The following GUCY1A2 variants were observed in gnomAD, a reference collection of about 807,000 sequenced individuals.
GUCY1A2 encodes the protein guanylate cyclase soluble subunit alpha-2.
In GUCY1A2, 27 loss-of-function variants were observed where a neutral mutation model predicts 63.5. That is an observed-to-expected ratio of 0.43 (90% CI 0.31 to 0.59). The LOEUF is 0.59. Among genes scored for constraint, GUCY1A2 ranks in the 20% least tolerant of loss-of-function variants. The pLI is 0.11. For missense variants in GUCY1A2, 768 were observed against 913.3 expected, an observed-to-expected ratio of 0.84 and a Z score of 2.05; for synonymous variants, 364 against 343.5, an observed-to-expected ratio of 1.06 and a Z score of -0.66.
chr11:106,857,860 G>A (rs1437416361), intron 4 of GUCY1A2, among the ~76,000 whole-genome samples: 2 of 152,068 alleles, frequency 1.3e-5, no homozygotes, highest in Non-Finnish European at 2.9e-5. Flanking sequence ...TATATGCAAA[G>A]GTTATATGCA....
At position 106,810,152 on chromosome 11, in the gene GUCY1A2, T is replaced by G. The variant is rs1281367945; in HGVS notation, c.1533A>C (p.Gln511His). ...DVAQQLWQGQ[Q>H]VQARKFDDVT... is the part of the protein sequence containing the mutation. Reference sequence around the variant, plus strand: ...CATCATCAAACTTTCTGGCCTGTACTTGCTGCCCTTGCCATAATTGCTGGG... The same window carrying G: ...CATCATCAAACTTTCTGGCCTGTACGTGCTGCCCTTGCCATAATTGCTGGG... Residue 511 changes from glutamine to histidine, a missense_variant, in exon 5 of 8, where the codon CAA becomes CAC. Gln to His is a conservative substitution (Grantham distance 24). Around this residue, in one of 3 missense-constraint regions of GUCY1A2, gnomAD observed 122 missense variants for 238.1 expected, o/e 0.51. Transcript: ENST00000526355. 2 of 1,613,852 alleles carry G rather than the reference T, an allele frequency of 1.2e-6. No homozygotes were observed. The highest frequency in any genetic ancestry group is 1.7e-5 in the Admixed American group (1 of 59,932).
At chr11:106,734,059 C>A (rs1402513090) in intron 6 of GUCY1A2, among the ~76,000 whole-genome samples, 1 of 152,104 alleles carries the variant, frequency 6.6e-6, no homozygotes, top group African/African-American at 2.4e-5. Context: ...TACTGAGTTT[C>A]TTTTCTGTTT....
intron 4 of GUCY1A2, among the ~76,000 whole-genome samples, chr11:106,872,273 A>T (rs1859689867): frequency 1.3e-5 from 2 of 152,206 alleles, no homozygotes; most frequent in Non-Finnish European, 2.9e-5. Context: ...ATGGGTTTTA[A>T]AGTCAATATA....
rs140311711 is a variant in GUCY1A2 at position 106,687,307 on chromosome 11, T to C, written c.*242A>G. ...CCCACACTTGTAATTAAAATATATG[T>C]GTATATATATGACCAAAACCACTCA... On this transcript the variant is annotated 3_prime_UTR_variant, in exon 8 of 8. Coordinates refer to ENST00000526355, the MANE Select transcript of GUCY1A2 (RefSeq NM_000855.3). The C allele has an allele frequency of 7.9e-5, 36 of 456,832 alleles. No homozygotes were observed. Among genetic ancestry groups the C allele is most frequent in the Non-Finnish European group, 1.4e-4 (36 of 255,680 alleles). 28.3% of individuals were successfully genotyped at this position (456,832 alleles called of 1,614,324 possible).
At chr11:106,935,495 C>T (rs1442676567) in intron 4 of GUCY1A2, among the ~76,000 whole-genome samples, 5 of 152,080 alleles carry the variant, frequency 3.3e-5, no homozygotes, top group Non-Finnish European at 7.4e-5. Context: ...GTCAGATTCT[C>T]CGCACCTCTC....
In GUCY1A2 at chr11:107,008,105, G is replaced by A. The variant is rs138809461; in HGVS notation, c.303+9648C>T. 5.6e-3 allele frequency among the ~76,000 whole-genome samples: 835 copies of A among 149,310 alleles called. 13 individuals are homozygous for A. The highest frequency in any genetic ancestry group is 0.01 in the Middle Eastern group (3 of 294). On this transcript the variant is annotated intron_variant, in intron 1 of 7. Coordinates refer to ENST00000526355, the MANE Select transcript of GUCY1A2 (RefSeq NM_000855.3). ...CGACACCAGGCCCAGCCAATATGGCGAAACCCCTAATAAACATACAAAAAT... is the reference window on the plus strand; with the variant it reads ...CGACACCAGGCCCAGCCAATATGGCAAAACCCCTAATAAACATACAAAAAT...
At chr11:106,690,375 C>T (rs1183464319) in intron 7 of GUCY1A2, among the ~76,000 whole-genome samples, 1 of 152,124 alleles carries the variant, frequency 6.6e-6, no homozygotes, top group Non-Finnish European at 1.5e-5. Flanking sequence ...TTTCCAGCAA[C>T]ATGGATGGAG....
At chr11:106,943,796 T>C (rs969391601) in intron 3 of GUCY1A2, among the ~76,000 whole-genome samples, 3 of 152,098 alleles carry the variant, frequency 2.0e-5, no homozygotes, top group African/African-American at 4.8e-5. Context: ...TACAAAACAG[T>C]AAATTACATT....
At chr11:106,828,786 G>T (rs1859011523) in intron 4 of GUCY1A2, among the ~76,000 whole-genome samples, 1 of 152,192 alleles carries the variant, frequency 6.6e-6, no homozygotes, top group Admixed American at 6.5e-5. Context: ...ATGAAGACTA[G>T]AATGTGGAGT....
chr11:106,820,664 C>T (rs1425087463), intron 4 of GUCY1A2, among the ~76,000 whole-genome samples: 1 of 152,166 alleles, frequency 6.6e-6, no homozygotes, highest in Non-Finnish European at 1.5e-5. Flanking sequence ...TCCCAAAGTG[C>T]CGGGATTATA....
At chr11:106,736,600 T>C (rs1863594155) in intron 6 of GUCY1A2, among the ~76,000 whole-genome samples, 1 of 152,152 alleles carries the variant, frequency 6.6e-6, no homozygotes, top group African/African-American at 2.4e-5. Flanking sequence ...TCATAATGGA[T>C]TTGGCTATTT....
At chr11:106,993,713 A>T (rs1230212011) in intron 1 of GUCY1A2, among the ~76,000 whole-genome samples, 1 of 152,226 alleles carries the variant, frequency 6.6e-6, no homozygotes, top group Non-Finnish European at 1.5e-5. Context: ...CATATGTAAG[A>T]AGTATGTAGT....
intron 4 of GUCY1A2, among the ~76,000 whole-genome samples, chr11:106,899,345 AAT>A (rs1393472278): frequency 1.3e-5 from 2 of 152,212 alleles, no homozygotes; most frequent in African/African-American, 2.4e-5. Flanking sequence ...TAAATGAAAT[AAT>A]AGAGTCTAAA....
At chr11:107,013,757 C>G (rs927058928) in intron 1 of GUCY1A2, among the ~76,000 whole-genome samples, 3 of 152,114 alleles carry the variant, frequency 2.0e-5, no homozygotes, top group Non-Finnish European at 2.9e-5. Context: ...CCCAGAGATT[C>G]ACAATGAACA....
chr11:106,967,966 T>G (rs1861147388), intron 3 of GUCY1A2, among the ~76,000 whole-genome samples: 1 of 152,078 alleles, frequency 6.6e-6, no homozygotes, highest in Admixed American at 6.6e-5. Flanking sequence ...TCAAAAGAAT[T>G]GAGTGGAGTA....
chr11:106,804,898 T>C (rs1477828948), intron 5 of GUCY1A2, among the ~76,000 whole-genome samples: 1 of 152,204 alleles, frequency 6.6e-6, no homozygotes, highest in African/African-American at 2.4e-5. Flanking sequence ...GTTCCTATCA[T>C]CTAGTCCCCT....
At chr11:106,703,504 A>G (rs1043826900) in intron 7 of GUCY1A2, among the ~76,000 whole-genome samples, 2 of 150,078 alleles carry the variant, frequency 1.3e-5, no homozygotes, top group Non-Finnish European at 2.9e-5. Context: ...AATTAGAAAG[A>G]TGAACTATTA....
chr11:106,990,783 A>T (rs1861460950), intron 1 of GUCY1A2, among the ~76,000 whole-genome samples: 1 of 152,184 alleles, frequency 6.6e-6, no homozygotes, highest in Non-Finnish European at 1.5e-5. Context: ...TTTGCACTAG[A>T]TGCCTTTGAG....
chr11:106,767,965 C>T (rs1010249441), intron 6 of GUCY1A2, among the ~76,000 whole-genome samples: 4 of 152,022 alleles, frequency 2.6e-5, no homozygotes, highest in Admixed American at 6.6e-5. Context: ...AAATATAAAA[C>T]GTTTAAATAT....
Sources: gnomAD v4.1 joint callset for allele counts (sites outside exome capture counted in the v4.1 genomes callset) on GRCh38, gnomAD v4.1.1 for gene constraint, gnomAD v4.1.1 regional missense constraint, MANE v1.5 for transcripts, NCBI Gene and HGNC (gene_info 2026-07-23, HGNC 2026-07-21) for gene names.